Variants in ARHGAP44 observed in about 807,000 individuals in gnomAD.
ARHGAP44 encodes rho GTPase-activating protein 44.
Under a neutral mutation model 106.8 loss-of-function variants are expected in ARHGAP44, and 43 were observed. The ratio of observed to expected loss-of-function variants is 0.40; its 90% CI spans 0.32 to 0.52. The LOEUF (loss-of-function observed/expected upper bound fraction) is 0.52, where lower values mean the gene tolerates loss of function less well. ARHGAP44 is among the 20% of genes least tolerant of loss of function. ARHGAP44 has a pLI of 0.48. For synonymous variants in ARHGAP44, 439 were observed against 410.3 expected (o/e 1.07, Z -0.85); for missense variants, 866 against 1,050.5 (o/e 0.82, Z 2.43).
chr17:12,823,731 T>C (rs2034840608), intron 1 of ARHGAP44, among the ~76,000 whole-genome samples: 1 of 152,174 alleles, frequency 6.6e-6, no homozygotes, highest in Non-Finnish European at 1.5e-5. Flanking sequence ...TCTTGATACT[T>C]CTCCTTAACT....
At chr17:12,894,303 GA>G (rs1257520944) in intron 1 of ARHGAP44, among the ~76,000 whole-genome samples, 13 of 95,168 alleles carry the variant, frequency 1.4e-4, no homozygotes, top group African/African-American at 4.8e-4. Context: ...GTGAGAAAGA[GA>G]GGGGGAGAGA....
intron 1 of ARHGAP44, among the ~76,000 whole-genome samples, chr17:12,832,455 A>G (rs2035118338): frequency 6.6e-6 from 1 of 152,080 alleles, no homozygotes; most frequent in East Asian, 1.9e-4. Flanking sequence ...GCAACTGGGG[A>G]GAGTAGTGAT....
intron 12 of ARHGAP44, among the ~76,000 whole-genome samples, chr17:12,951,669 C>T (rs2038994440): frequency 6.6e-6 from 1 of 152,084 alleles, no homozygotes; most frequent in Admixed American, 6.6e-5. Context: ...GTCTTTGAAC[C>T]AGGGAAAAAC....
At chr17:12,913,330 C>T (rs901217082) in intron 4 of ARHGAP44, among the ~76,000 whole-genome samples, 6 of 151,310 alleles carry the variant, frequency 4.0e-5, no homozygotes, top group African/African-American at 7.3e-5. Context: ...CGATTGGGTA[C>T]GTAGAAAACA....
intron 4 of ARHGAP44, among the ~76,000 whole-genome samples, chr17:12,911,242 G>A (rs2037728670): frequency 6.6e-6 from 1 of 152,066 alleles, no homozygotes; most frequent in Admixed American, 6.6e-5. Context: ...TAATGACAGA[G>A]TAACGTTGGA....
intron 1 of ARHGAP44, among the ~76,000 whole-genome samples, chr17:12,802,749 A>C (rs796109400): frequency 2.6e-4 from 26 of 101,754 alleles, no homozygotes; most frequent in African/African-American, 8.3e-4. Context: ...ATTCTTTTTT[A>C]TTTCTTTTTT....
intron 17 of ARHGAP44, 150 bp downstream of exon 17, chr17:12,973,469 A>G: frequency 1.3e-6 from 1 of 786,192 alleles, no homozygotes; most frequent in Non-Finnish European, 2.1e-6. Flanking sequence ...ATTAAAATAG[A>G]ATCAGAGCCC....
At chr17:12,858,257 C>G (rs760863031) in intron 1 of ARHGAP44, among the ~76,000 whole-genome samples, 7 of 152,186 alleles carry the variant, frequency 4.6e-5, no homozygotes, top group Non-Finnish European at 8.8e-5. Flanking sequence ...CCATCTCCTT[C>G]CCTTTCTTTA....
intron 4 of ARHGAP44, 99 bp from the exon 5 acceptor site, chr17:12,915,801 G>T: frequency 9.7e-7 from 1 of 1,029,566 alleles, no homozygotes; most frequent in Non-Finnish European, 1.4e-6. Context: ...ACACTGACTT[G>T]TGAAAGTTTA....
chr17:12,815,767 G>C (rs2034580849), intron 1 of ARHGAP44, among the ~76,000 whole-genome samples: 1 of 152,170 alleles, frequency 6.6e-6, no homozygotes, highest in African/African-American at 2.4e-5. Flanking sequence ...TATTGCTTGA[G>C]AAGCTTCATG....
intron 3 of ARHGAP44, among the ~76,000 whole-genome samples, chr17:12,899,182 G>A (rs1045317012): frequency 1.2e-4 from 18 of 152,102 alleles, no homozygotes; most frequent in Non-Finnish European, 2.6e-4. Context: ...TGTTGGCCAG[G>A]ATGGTCTTGA....
At chr17:12,929,759 C>G (rs1377109011) in intron 7 of ARHGAP44, among the ~76,000 whole-genome samples, 1 of 152,190 alleles carries the variant, frequency 6.6e-6, no homozygotes, top group African/African-American at 2.4e-5. Flanking sequence ...GAAACCAAAA[C>G]TCTATTTAGA....
chr17:12,876,013 C>T (rs747834212), intron 1 of ARHGAP44, among the ~76,000 whole-genome samples: 4 of 152,156 alleles, frequency 2.6e-5, no homozygotes, highest in South Asian at 2.1e-4. Context: ...TCACACTGAC[C>T]AGTTAGAGCT....
chr17:12,810,116 G>A (rs72479745), intron 1 of ARHGAP44, among the ~76,000 whole-genome samples: 10 of 152,154 alleles, frequency 6.6e-5, no homozygotes, highest in African/African-American at 2.2e-4. Flanking sequence ...GGAAGTAAAG[G>A]GAAAATACTG....
At chr17:12,933,124 G>A (rs542544633) in intron 7 of ARHGAP44, among the ~76,000 whole-genome samples, 2 of 152,030 alleles carry the variant, frequency 1.3e-5, no homozygotes, top group Non-Finnish European at 2.9e-5. Flanking sequence ...TTACTTTGTT[G>A]GTTGCCAACT....
intron 1 of ARHGAP44, among the ~76,000 whole-genome samples, chr17:12,813,705 A>G (rs755496097): frequency 5.5e-4 from 84 of 151,640 alleles, no homozygotes; most frequent in Middle Eastern, 3.4e-3. Flanking sequence ...CACCACACAA[A>G]GAGAGTGTAT....
intron 2 of ARHGAP44, 60 bp downstream of exon 2, chr17:12,895,039 G>T: frequency 6.6e-7 from 1 of 1,519,980 alleles, no homozygotes; most frequent in South Asian, 1.2e-5. Context: ...GCTGAGGCAG[G>T]AGAATTGCTT....
chr17:12,792,497 A>G (rs2033796203), intron 1 of ARHGAP44, among the ~76,000 whole-genome samples: 1 of 152,164 alleles, frequency 6.6e-6, no homozygotes, highest in Admixed American at 6.5e-5. Flanking sequence ...GAGGGGCAGT[A>G]TCTCCTCTAT....
intron 1 of ARHGAP44, among the ~76,000 whole-genome samples, chr17:12,803,565 C>T (rs72813122): frequency 0.014 from 2,130 of 152,218 alleles, 24 homozygotes; most frequent in Middle Eastern, 0.027. Context: ...TGGCGTGGGT[C>T]GTAGCTCACT....
Sources: allele counts gnomAD v4.1 joint callset (sites outside exome capture counted in the v4.1 genomes callset), GRCh38; gene constraint gnomAD v4.1.1; transcripts MANE v1.5; gene names NCBI Gene and HGNC (gene_info 2026-07-23, HGNC 2026-07-21).